The following TAF1A variants were observed in gnomAD, a reference collection of about 807,000 sequenced individuals.
TAF1A encodes TATA-box binding protein associated factor, RNA polymerase I subunit A.
In TAF1A, 42 loss-of-function variants were observed where a neutral mutation model predicts 61.6. The ratio of observed to expected loss-of-function variants is 0.68; its 90% CI spans 0.53 to 0.88. The LOEUF is 0.88. Among genes scored for constraint, TAF1A ranks in the 40% least tolerant of loss-of-function variants. TAF1A has a pLI of 0.00. For missense variants in TAF1A, 424 were observed against 518.7 expected (o/e 0.82, Z 1.77); for synonymous variants, 179 against 177.7 (o/e 1.01, Z -0.06).
At chr1:222,575,016 A>T (rs1443360121) in intron 5 of TAF1A, among the ~76,000 whole-genome samples, 2 of 152,138 alleles carry the variant, frequency 1.3e-5, no homozygotes, top group African/African-American at 4.8e-5. Context: ...TTTGTTTTAT[A>T]TGCTTTTTCT....
intron 3 of TAF1A, among the ~76,000 whole-genome samples, chr1:222,583,138 T>C (rs1198272683): frequency 2.6e-5 from 4 of 151,988 alleles, no homozygotes; most frequent in Non-Finnish European, 5.9e-5. Flanking sequence ...TGAGCAGAGA[T>C]CATGCCACTG....
Position 222,572,292 on chromosome 1 carries a change from C to T in TAF1A, c.605-1627G>A, listed in dbSNP as rs180761641. On this transcript the variant is annotated intron_variant, in intron 5 of 10. Transcript: ENST00000352967. ...TGTGATATGGGCAGAAAGAGAGACACATGTAGATCAATGGAAGATTTAGAG... is the reference window on the plus strand; with the variant it reads ...TGTGATATGGGCAGAAAGAGAGACATATGTAGATCAATGGAAGATTTAGAG... Among the ~76,000 whole-genome samples, 4 of 151,152 alleles carry T rather than the reference C, an allele frequency of 2.6e-5. No homozygotes were observed. The East Asian group carries it at 7.8e-4, about 29-fold the overall frequency.
intron 7 of TAF1A, among the ~76,000 whole-genome samples, chr1:222,568,093 ATGAACCT>A (rs2102647216): frequency 6.6e-6 from 1 of 152,172 alleles, no homozygotes; most frequent in Admixed American, 6.5e-5. Context: ...ATGGGAAAAA[ATGAACCT>A]TGACCTTTGC....
intron 2 of TAF1A, among the ~76,000 whole-genome samples, chr1:222,587,051 A>C (rs1661043922): frequency 6.6e-6 from 1 of 152,212 alleles, no homozygotes; most frequent in South Asian, 2.1e-4. Flanking sequence ...ATACCCAAGT[A>C]TGACTTAACT....
chr1:222,554,118 T>C (rs528097683), downstream of TAF1A, among the ~76,000 whole-genome samples: 792 of 152,374 alleles, frequency 5.2e-3, 5 homozygotes, highest in Non-Finnish European at 8.3e-3. Flanking sequence ...GTTATCACTT[T>C]TATTTGTTCT....
chr1:222,589,205 C>T (rs1661151375), intron 1 of TAF1A, among the ~76,000 whole-genome samples: 1 of 152,144 alleles, frequency 6.6e-6, no homozygotes, highest in Non-Finnish European at 1.5e-5. Flanking sequence ...TTTAGACTTA[C>T]TCCTAAAGAT....
At chr1:222,584,638 T>C (rs1425934671) in intron 2 of TAF1A, among the ~76,000 whole-genome samples, 1 of 152,158 alleles carries the variant, frequency 6.6e-6, no homozygotes, top group Non-Finnish European at 1.5e-5. Flanking sequence ...TTAGAATGGG[T>C]AAAATGTCAG....
At position 222,584,173 on chromosome 1, in the gene TAF1A, C is replaced by T. The variant is rs1355439481; in HGVS notation, c.246G>A (p.Gln82=). 6.2e-7 allele frequency: 1 copy of T among 1,611,198 alleles called. No individual in the cohort carries two copies. Residue 82 remains glutamine, a synonymous_variant, in exon 3 of 11, where the codon CAG becomes CAA. Transcript: ENST00000352967. The part of the protein sequence containing the change: ...QAAEYMYSYF[Q]TLEDSDSYKR... ...TGTAGCTATCTGAATCTTCCAAGGTCTGAAAATAACTGTACATGTATTCTG... is the reference window on the plus strand; with the variant it reads ...TGTAGCTATCTGAATCTTCCAAGGTTTGAAAATAACTGTACATGTATTCTG...
At chr1:222,579,906 A>C in intron 3 of TAF1A, 34 bp from the exon 4 acceptor site, 1 of 1,581,726 alleles carries the variant, frequency 6.3e-7, no homozygotes. Flanking sequence ...AAAATGTAAA[A>C]TTTTTGCCTT....
intron 5 of TAF1A, among the ~76,000 whole-genome samples, chr1:222,573,561 C>T (rs1162482954): frequency 6.6e-6 from 1 of 152,176 alleles, no homozygotes; most frequent in Non-Finnish European, 1.5e-5. Context: ...TGCCATTTCA[C>T]ACCCACCAGG....
chr1:222,563,696 C>T (rs1173289977), intron 8 of TAF1A, among the ~76,000 whole-genome samples: 6 of 152,170 alleles, frequency 3.9e-5, no homozygotes, highest in African/African-American at 1.4e-4. Flanking sequence ...AGCATGCTCT[C>T]TTCTATGGTG....
rs1463268226 is a variant in TAF1A at position 222,558,398 on chromosome 1, GTAAT to G, written c.*258_*261del. ...AATAACTGCTGTAGAGCTATATTCT[GTAAT>G]TAGTTTGTCATTTGAAGAATTATTC... is the stretch of plus-strand genomic sequence containing the variant. On this transcript the variant is annotated 3_prime_UTR_variant, in exon 11 of 11. Transcript: ENST00000352967. 2 of 183,498 alleles carry G rather than the reference GTAAT, an allele frequency of 1.1e-5. No individual in the cohort carries two copies. The highest frequency in any genetic ancestry group is 4.7e-5 in the African/African-American group (2 of 42,748). The allele number at this position is 183,498 out of a possible 1,614,324, so 11.4% of individuals were successfully genotyped here. A position where few individuals can be genotyped will look rare whatever the true frequency, so the allele number is the denominator to read the frequency against.
chr1:222,556,507 A>G (rs958690143), downstream of TAF1A, among the ~76,000 whole-genome samples: 1 of 152,182 alleles, frequency 6.6e-6, no homozygotes, highest in South Asian at 2.1e-4. Flanking sequence ...TTCATCTCCA[A>G]TGACCTCATT....
Position 222,561,520 on chromosome 1 carries a change from T to C in TAF1A, c.1086-2A>G, listed in dbSNP as rs1336571309. 1 of 1,585,142 alleles carries C rather than the reference T, an allele frequency of 6.3e-7. No homozygotes were observed. Among genetic ancestry groups the C allele is most frequent in the East Asian group, 2.3e-5 (1 of 44,320 alleles). ...TCTTGAACCCACGCAAGGTGGTTTC[T>C]GGAAAAGAAAAATGTCAAAAGAGAG... On this transcript the variant is annotated splice_acceptor_variant, in intron 9 of 10. Coordinates refer to ENST00000352967, the MANE Select transcript of TAF1A (RefSeq NM_005681.4). LOFTEE classifies it high-confidence loss of function.
chr1:222,589,113 G>A (rs1261145612), intron 1 of TAF1A, among the ~76,000 whole-genome samples: 1 of 152,154 alleles, frequency 6.6e-6, no homozygotes, highest in African/African-American at 2.4e-5. Context: ...TACTTGGCAT[G>A]ACTAGAATTC....
Position 222,589,875 on chromosome 1 carries a change from G to A in TAF1A, c.-151C>T, listed in dbSNP as rs1320601372. ...AGGTATTTAGGCAGCGCGCGGCCCGGCTCGTAACTCCTCCTGCTGCAGCAG... is the reference window on the plus strand; with the variant it reads ...AGGTATTTAGGCAGCGCGCGGCCCGACTCGTAACTCCTCCTGCTGCAGCAG... On this transcript the variant is annotated 5_prime_UTR_variant, in exon 1 of 11. Transcript: ENST00000352967. 1.8e-5 allele frequency: 7 copies of A among 395,476 alleles called. No individual in the cohort carries two copies. Among genetic ancestry groups the A allele is most frequent in the African/African-American group, 4.1e-5 (2 of 48,584 alleles). The allele number at this position is 395,476 out of a possible 1,614,324, so 24.5% of individuals were successfully genotyped here.
At chr1:222,569,050 G>T in intron 7 of TAF1A, 1 of 188,848 alleles carries the variant, frequency 5.3e-6, no homozygotes, top group South Asian at 1.1e-4. Context: ...GTGACAATAA[G>T]CAGATCAGTG....
downstream of TAF1A, among the ~76,000 whole-genome samples, chr1:222,556,712 C>T (rs931110358): frequency 6.6e-6 from 1 of 152,206 alleles, no homozygotes; most frequent in East Asian, 1.9e-4. Flanking sequence ...AATGTTGAGA[C>T]AGCTTTGTAT....
At position 222,563,238 on chromosome 1, in the gene TAF1A, G is replaced by T. The variant is rs752748189; in HGVS notation, c.1020C>A (p.Ala340=). The stretch of plus-strand genomic sequence containing the variant: ...AAGCAGTTATATTCTTAGTGCATCC[G>T]GCAAAATCTAAGACTCCAAATAATA... ...LEVLFGVLDF[A]GCTKNITAWK... is the part of the protein sequence containing the mutation. Residue 340 remains alanine (A), a synonymous_variant, in exon 9 of 11, where the codon GCC becomes GCA. Transcript: ENST00000352967. 2 of 1,612,614 alleles carry T rather than the reference G, an allele frequency of 1.2e-6. No individual in the cohort carries two copies. Among genetic ancestry groups the T allele is most frequent in the Admixed American group, 3.3e-5 (2 of 59,742 alleles).
Sources: allele counts gnomAD v4.1 joint callset (sites outside exome capture counted in the v4.1 genomes callset), GRCh38; gene constraint gnomAD v4.1.1; transcripts MANE v1.5; gene names NCBI Gene and HGNC (gene_info 2026-07-23, HGNC 2026-07-21).